LPIN2: variants seen among roughly 807,000 people sequenced by gnomAD.
LPIN2 encodes the protein lipin 2.
In LPIN2, 55 loss-of-function variants were observed where a neutral mutation model predicts 111.4. That is an observed-to-expected ratio of 0.49 (90% CI 0.40 to 0.62). The LOEUF (loss-of-function observed/expected upper bound fraction) is 0.62, where lower values mean the gene tolerates loss of function less well. Among genes scored for constraint, LPIN2 ranks in the 20% least tolerant of loss-of-function variants. The pLI, the probability that LPIN2 is intolerant of heterozygous loss-of-function variation, is 0.00. For synonymous variants in LPIN2, 425 were observed against 414.0 expected (o/e 1.03, Z -0.32); for missense variants, 992 against 1,112.1 (o/e 0.89, Z 1.54).
intron 1 of LPIN2, among the ~76,000 whole-genome samples, chr18:2,992,974 CAAAAAAAAAA>C (rs59159362): frequency 1.0e-5 from 1 of 97,362 alleles, no homozygotes; most frequent in Admixed American, 1.1e-4. Flanking sequence ...AGACCCGTCT[CAAAAAAAAAA>C]AAAAAAAAAA....
intron 10 of LPIN2, among the ~76,000 whole-genome samples, 160 bp from the exon 11 acceptor site, chr18:2,928,820 T>G (rs980438579): frequency 3.9e-5 from 6 of 152,194 alleles, no homozygotes; most frequent in Non-Finnish European, 5.9e-5. Context: ...TGAATAACCT[T>G]CGCTTCAAGC....
At chr18:2,946,467 A>G in intron 4 of LPIN2, 2 of 1,503,564 alleles carry the variant, frequency 1.3e-6, no homozygotes, top group South Asian at 2.3e-5. Context: ...TGATATGTGC[A>G]AGCATCGTCG....
At position 2,925,500 on chromosome 18, in the gene LPIN2, T is replaced by C. The variant is rs2077117959; in HGVS notation, c.1794-132A>G. ...ATGGGTAGAGTTATCCCTTCTGCCA[T>C]TCTCCCATATCCACAGCTCTGTACG... On this transcript the variant is annotated intron_variant, in intron 13 of 19. Coordinates refer to ENST00000677752, the MANE Select transcript of LPIN2 (RefSeq NM_001375808.2). This position sits in a 1 kb window ranked among gnomAD's most constrained non-coding sequence, Gnocchi z 4.1. The C allele has an allele frequency of 4.2e-6, 5 of 1,201,082 alleles. No individual in the cohort carries two copies. The highest frequency in any genetic ancestry group is 1.9e-5 in the Admixed American group (1 of 53,260). 74.4% of individuals were successfully genotyped at this position (1,201,082 alleles called of 1,614,324 possible). A position where few individuals can be genotyped will look rare whatever the true frequency, so the allele number is the denominator to read the frequency against.
At position 2,931,251 on chromosome 18, in the gene LPIN2, C is replaced by A. The variant is rs767379049; in HGVS notation, c.1456+5G>T. On this transcript the variant is annotated splice_donor_5th_base_variant and intron_variant, in intron 9 of 19. Transcript: ENST00000677752. The stretch of plus-strand genomic sequence containing the variant: ...ATGAAGATGGGGCACAAACACCCAA[C>A]GTACCTTTTGAAATTTCTCCATTTT... The A allele has an allele frequency of 3.3e-5, 54 of 1,613,914 alleles. No homozygotes were observed. The highest frequency in any genetic ancestry group is 4.2e-5 in the Non-Finnish European group (50 of 1,179,982).
intron 1 of LPIN2, among the ~76,000 whole-genome samples, chr18:2,974,689 C>T (rs2077980564): frequency 6.6e-6 from 1 of 152,190 alleles, no homozygotes; most frequent in Admixed American, 6.5e-5. Flanking sequence ...CACTAACTTA[C>T]CCCTTCCAAT....
chr18:2,945,903 T>C (rs2077444511), intron 4 of LPIN2: 2 of 1,423,468 alleles, frequency 1.4e-6, no homozygotes, highest in South Asian at 1.1e-5. Context: ...CATGTTTCTC[T>C]TTTGTACAGC....
intron 1 of LPIN2, among the ~76,000 whole-genome samples, chr18:3,001,195 G>A (rs1037547092): frequency 5.9e-5 from 9 of 152,176 alleles, no homozygotes; most frequent in Non-Finnish European, 8.8e-5. Context: ...GCTGCTAGAG[G>A]ATGTGCTCCA....
intron 1 of LPIN2, among the ~76,000 whole-genome samples, chr18:2,974,078 G>A (rs942343043): frequency 6.6e-6 from 1 of 152,054 alleles, no homozygotes; most frequent in Admixed American, 6.6e-5. Flanking sequence ...TACTGGTATT[G>A]TTTAGTTGTT....
intron 1 of LPIN2, among the ~76,000 whole-genome samples, chr18:2,978,129 G>T (rs996734042): frequency 6.6e-6 from 1 of 152,074 alleles, no homozygotes; most frequent in Non-Finnish European, 1.5e-5. Flanking sequence ...GGAGGCTGAA[G>T]TGAGCCAAGA....
intron 17 of LPIN2, 63 bp from the exon 18 acceptor site, chr18:2,921,710 C>T: frequency 1.6e-6 from 2 of 1,212,814 alleles, no homozygotes; most frequent in Non-Finnish European, 2.4e-6. Flanking sequence ...AGTGAGTGGT[C>T]CTAAAATTTT....
intron 7 of LPIN2, among the ~76,000 whole-genome samples, chr18:2,936,097 C>T (rs921997318): frequency 6.6e-6 from 1 of 152,210 alleles, no homozygotes; most frequent in East Asian, 1.9e-4. Context: ...ATCTGACCAC[C>T]AACACCTTCG....
chr18:2,948,378 C>T (rs1173167472), intron 4 of LPIN2: 4 of 152,206 alleles, frequency 2.6e-5, no homozygotes, highest in Non-Finnish European at 4.4e-5. Flanking sequence ...CCTTTCACAC[C>T]ATCAGGAAAA....
chr18:2,927,671 AAAGATT>A, intron 12 of LPIN2, 45 bp downstream of exon 12: 1 of 1,587,866 alleles, frequency 6.3e-7, no homozygotes, highest in South Asian at 1.1e-5. Context: ...TGAATAAATG[AAAGATT>A]CATTTCTTTC....
intron 2 of LPIN2, among the ~76,000 whole-genome samples, chr18:2,958,183 G>GA (rs977003330): frequency 1.4e-4 from 9 of 62,552 alleles, no homozygotes; most frequent in Middle Eastern, 0.013. Context: ...ACAGAAAAAA[G>GA]AAAAAAAAAC....
In LPIN2 at chr18:2,917,375, C is replaced by CTGTT. The variant is rs1183413494; in HGVS notation, c.*2914_*2917dup. On this transcript the variant is annotated 3_prime_UTR_variant, in exon 20 of 20. Coordinates refer to ENST00000677752, the MANE Select transcript of LPIN2 (RefSeq NM_001375808.2). ...GAAAACATCGAAATTCCCCGGAAGT[C>CTGTT]TGTTTTTGCCAACTTGTAAAAAGTG... 1 of 152,116 alleles carries CTGTT rather than the reference C, an allele frequency of 6.6e-6. No individual in the cohort carries two copies. The highest frequency in any genetic ancestry group is 6.5e-5 in the Admixed American group (1 of 15,282). 9.4% of individuals were successfully genotyped at this position (152,116 alleles called of 1,614,324 possible).
intron 16 of LPIN2, among the ~76,000 whole-genome samples, chr18:2,923,403 A>G (rs566286677): frequency 6.1e-5 from 3 of 49,020 alleles, no homozygotes. Flanking sequence ...CTGGGCGACA[A>G]GAGCAAAACT....
At chr18:3,006,563 C>CG (rs1356773856) in intron 1 of LPIN2, among the ~76,000 whole-genome samples, 1 of 151,904 alleles carries the variant, frequency 6.6e-6, no homozygotes. Flanking sequence ...ATGGGCCGGG[C>CG]GCAGCGGCTC....
chr18:2,921,380 T>C (rs1346244162), intron 18 of LPIN2, 153 bp downstream of exon 18: 3 of 701,624 alleles, frequency 4.3e-6, no homozygotes, highest in African/African-American at 3.5e-5. Flanking sequence ...GCTATAGATA[T>C]TTGGAATAGA....
chr18:2,940,833 C>G (rs1424625952), intron 4 of LPIN2, 121 bp from the exon 5 acceptor site: 1 of 699,246 alleles, frequency 1.4e-6, no homozygotes, highest in African/African-American at 1.8e-5. Flanking sequence ...ATTACTAACT[C>G]TCTCTAAAAT....
Sources: allele counts gnomAD v4.1 joint callset (sites outside exome capture counted in the v4.1 genomes callset), GRCh38; gene constraint gnomAD v4.1.1; non-coding constraint Gnocchi (gnomAD v3.1); transcripts MANE v1.5; gene names NCBI Gene and HGNC (gene_info 2026-07-23, HGNC 2026-07-21).